The following NDUFAF6 variants were observed in gnomAD, a reference collection of about 807,000 sequenced individuals.
The protein encoded by NDUFAF6 is NADH:ubiquinone oxidoreductase complex assembly factor 6.
A neutral mutation model predicts 40.8 loss-of-function variants in NDUFAF6; 45 were observed. The ratio of observed to expected loss-of-function variants is 1.10; its 90% CI spans 0.87 to 1.42. NDUFAF6 has a LOEUF of 1.42. Ranked by LOEUF, NDUFAF6 falls within the 40% of genes most tolerant of loss-of-function variation. NDUFAF6 has a pLI of 0.00. For missense variants in NDUFAF6, 435 were observed against 418.5 expected (o/e 1.04, Z -0.34); for synonymous variants, 185 against 155.9 (o/e 1.19, Z -1.39).
chr8:95,060,050 G>A (rs947072664), downstream of NDUFAF6, among the ~76,000 whole-genome samples: 2 of 149,666 alleles, frequency 1.3e-5, no homozygotes, highest in African/African-American at 4.9e-5. Flanking sequence ...TTAATTACGC[G>A]ACTGGATTAG....
intron 2 of NDUFAF6, among the ~76,000 whole-genome samples, chr8:95,033,271 C>G (rs955075192): frequency 1.3e-5 from 2 of 152,080 alleles, no homozygotes; most frequent in Non-Finnish European, 2.9e-5. Flanking sequence ...TCTCAAATTC[C>G]TGGCCTCAAA....
At chr8:94,950,747 C>T (rs1822531343) in intron 2 of NDUFAF6, 2 of 152,112 alleles carry the variant, frequency 1.3e-5, no homozygotes, top group South Asian at 2.1e-4. Context: ...GGTAGGAGCC[C>T]CATGATCTCT....
At chr8:95,041,764 A>G (rs1830172510) in intron 4 of NDUFAF6, 138 bp downstream of exon 4, 4 of 759,064 alleles carry the variant, frequency 5.3e-6, no homozygotes, top group Non-Finnish European at 9.3e-6. Flanking sequence ...CATTTTATTC[A>G]TACTTTACCC....
At chr8:94,993,027 G>C (rs1826262199) in intron 2 of NDUFAF6, among the ~76,000 whole-genome samples, 1 of 152,204 alleles carries the variant, frequency 6.6e-6, no homozygotes, top group South Asian at 2.1e-4. Flanking sequence ...TTAAACAACA[G>C]AAACCTATTT....
chr8:94,929,720 A>G (rs1464123933), intron 1 of NDUFAF6: 3 of 152,364 alleles, frequency 2.0e-5, no homozygotes, highest in Non-Finnish European at 2.9e-5. Flanking sequence ...TGGGTTAGTT[A>G]CAGACATGAA....
chr8:95,063,004 C>A (rs1001176643), downstream of NDUFAF6, among the ~76,000 whole-genome samples: 27 of 152,192 alleles, frequency 1.8e-4, no homozygotes, highest in African/African-American at 6.5e-4. Context: ...ATGGGACGTT[C>A]AAGAAACCAG....
At chr8:95,016,303 A>C (rs1383142409) in intron 2 of NDUFAF6, among the ~76,000 whole-genome samples, 2 of 152,218 alleles carry the variant, frequency 1.3e-5, no homozygotes, top group Non-Finnish European at 2.9e-5. Context: ...CATGGTATGA[A>C]AAAGAGGATG....
At chr8:95,074,771 AT>A (rs1318924519) in intron 9 of NDUFAF6, among the ~76,000 whole-genome samples, 1 of 151,722 alleles carries the variant, frequency 6.6e-6, no homozygotes, top group East Asian at 1.9e-4. Context: ...CCAGATGTGG[AT>A]TTTCTCTGTT....
At chr8:94,961,020 C>T (rs186520616) in intron 1 of NDUFAF6, among the ~76,000 whole-genome samples, 110 of 152,314 alleles carry the variant, frequency 7.2e-4, no homozygotes, top group African/African-American at 2.5e-3. Flanking sequence ...AGACATTTTT[C>T]ACCTTTTATT....
intron 1 of NDUFAF6, chr8:94,941,029 A>G: frequency 1.1e-6 from 1 of 897,948 alleles, no homozygotes; most frequent in Non-Finnish European, 1.8e-6. Context: ...TGGTACCGAC[A>G]GGAGATTAAA....
intron 4 of NDUFAF6, among the ~76,000 whole-genome samples, chr8:95,044,225 G>T (rs56372680): frequency 0.029 from 4,438 of 152,128 alleles, 181 homozygotes; most frequent in African/African-American, 0.092. Flanking sequence ...GGCTGAGGAG[G>T]GGGGGAAATG....
At chr8:95,038,161 C>T (rs192856594) in intron 3 of NDUFAF6, among the ~76,000 whole-genome samples, 1 of 152,270 alleles carries the variant, frequency 6.6e-6, no homozygotes, top group Non-Finnish European at 1.5e-5. Context: ...GTGTGAGCCA[C>T]TGTGCATGGC....
chr8:95,037,229 C>T (rs1366346568), intron 3 of NDUFAF6, among the ~76,000 whole-genome samples: 1 of 152,222 alleles, frequency 6.6e-6, no homozygotes, highest in African/African-American at 2.4e-5. Context: ...CCAGAGTTCA[C>T]ACTTCATTCA....
At chr8:95,063,687 G>T (rs770861646), downstream of NDUFAF6, among the ~76,000 whole-genome samples, 65 of 152,112 alleles carry the variant, frequency 4.3e-4, no homozygotes, top group Non-Finnish European at 7.6e-4. Flanking sequence ...CTTCCCAGCT[G>T]CTTAGTTATA....
intron 1 of NDUFAF6, among the ~76,000 whole-genome samples, chr8:94,931,609 C>CACATATATAT (rs146282014): frequency 0.021 from 3,198 of 151,648 alleles, 47 homozygotes; most frequent in African/African-American, 0.035. Flanking sequence ...CACACACACA[C>CACATATATAT]ATAAAATTTT....
At chr8:94,902,828 T>G (rs1367252711) in intron 1 of NDUFAF6, among the ~76,000 whole-genome samples, 1 of 151,780 alleles carries the variant, frequency 6.6e-6, no homozygotes, top group Non-Finnish European at 1.5e-5. Flanking sequence ...CCCGAGTAGT[T>G]GGGATTACAG....
chr8:94,913,800 T>C (rs1818941414), intron 1 of NDUFAF6, among the ~76,000 whole-genome samples: 1 of 152,124 alleles, frequency 6.6e-6, no homozygotes, highest in African/African-American at 2.4e-5. Context: ...CCTTGTCTCT[T>C]TTTTTTCTCG....
At chr8:94,903,025 T>C (rs923400607) in intron 1 of NDUFAF6, among the ~76,000 whole-genome samples, 9 of 152,072 alleles carry the variant, frequency 5.9e-5, no homozygotes, top group African/African-American at 2.2e-4. Flanking sequence ...TTTGAACATA[T>C]ACCTAAGAGT....
At chr8:94,897,308 G>C (rs1449808762) in intron 1 of NDUFAF6, among the ~76,000 whole-genome samples, 1 of 152,136 alleles carries the variant, frequency 6.6e-6, no homozygotes, top group African/African-American at 2.4e-5. Context: ...TGAACAGAAT[G>C]CAATCATAGT....
Sources: allele counts gnomAD v4.1 joint callset (sites outside exome capture counted in the v4.1 genomes callset), GRCh38; gene constraint gnomAD v4.1.1; transcripts MANE v1.5; gene names NCBI Gene and HGNC (gene_info 2026-07-23, HGNC 2026-07-21).